PCDHGA1: variants seen among roughly 807,000 people sequenced by gnomAD.
PCDHGA1 encodes the protein protocadherin gamma-A1.
In PCDHGA1, 32 loss-of-function variants were observed where a neutral mutation model predicts 58.0. That is an observed-to-expected ratio of 0.55 (90% CI 0.42 to 0.74). The LOEUF (loss-of-function observed/expected upper bound fraction) is 0.74, where lower values mean the gene tolerates loss of function less well. PCDHGA1 is among the 30% of genes least tolerant of loss of function. The probability of loss-of-function intolerance (pLI) is 0.00; values close to 1 mark genes in which losing one functional copy is unlikely to be tolerated. For missense variants in PCDHGA1, 1,205 were observed against 1,182.3 expected, an observed-to-expected ratio of 1.02 and a Z score of -0.28; for synonymous variants, 498 against 501.1, an observed-to-expected ratio of 0.99 and a Z score of 0.08.
chr5:141,371,937 T>C, intron 1 of PCDHGA1: 1 of 1,613,290 alleles, frequency 6.2e-7, no homozygotes. Flanking sequence ...CGGGGTGGTG[T>C]TCGCGCAGCG....
chr5:141,372,348 C>A, intron 1 of PCDHGA1: 1 of 1,613,852 alleles, frequency 6.2e-7, no homozygotes, highest in Middle Eastern at 1.6e-4. Context: ...TGGAGGACAG[C>A]AGCCTCTTTC....
rs748975283 is a variant in PCDHGA1, at chr5:141,332,892, C to T, written c.2208C>T (p.Pro736=). The change falls in exon 1 of 4, where the codon CCC becomes CCT. Residue 736 remains proline, a synonymous_variant. Transcript: ENST00000517417. The surrounding 1 kb of genome is among the most constrained non-coding windows in gnomAD (Gnocchi z 4.6). ...CGGGAGGCGGCTTAGCGAGCATGCC[C>T]GGTTCGCACTTTGTGGGCGTGGACG... The part of the protein sequence containing the change: ...QASGGGLASM[P]GSHFVGVDGV... 5.5e-5 allele frequency: 89 copies of T among 1,614,092 alleles called. No individual in the cohort carries two copies. Among genetic ancestry groups the T allele is most frequent in the Non-Finnish European group, 7.3e-5 (86 of 1,180,040 alleles).
chr5:141,454,917 C>T (rs1185153715), intron 1 of PCDHGA1, among the ~76,000 whole-genome samples: 1 of 149,330 alleles, frequency 6.7e-6, no homozygotes, highest in Non-Finnish European at 1.5e-5. Flanking sequence ...ACGCCATTCT[C>T]CTGCCTCAGC....
At chr5:141,502,118 G>A (rs897244225) in intron 2 of PCDHGA1, among the ~76,000 whole-genome samples, 3 of 152,108 alleles carry the variant, frequency 2.0e-5, no homozygotes, top group African/African-American at 7.2e-5. Context: ...CCTCAGCCAG[G>A]CCCACAGAGC....
At chr5:141,366,570 G>C (rs373636717) in intron 1 of PCDHGA1, 3 of 1,614,218 alleles carry the variant, frequency 1.9e-6, no homozygotes, top group Admixed American at 3.3e-5. Context: ...GATGGGGTTC[G>C]GGCTTTCCTG....
chr5:141,351,720 T>C, intron 1 of PCDHGA1: 1 of 1,613,816 alleles, frequency 6.2e-7, no homozygotes, highest in Non-Finnish European at 8.5e-7. Context: ...TCCTACTCTA[T>C]TCTGGCCAGT....
chr5:141,357,127 G>A (rs756766460), intron 1 of PCDHGA1: 2 of 1,613,446 alleles, frequency 1.2e-6, no homozygotes, highest in Non-Finnish European at 1.7e-6. Context: ...GCAGAGGCTT[G>A]TAGTGGTCGT....
intron 1 of PCDHGA1, chr5:141,415,791 CCTAGTCTCAA>C: frequency 2.2e-6 from 3 of 1,341,938 alleles, no homozygotes; most frequent in Non-Finnish European, 1.9e-6. Flanking sequence ...GTAAAATTCA[CCTAGTCTCAA>C]TCAAGGCCTA....
intron 1 of PCDHGA1, chr5:141,345,552 A>G (rs769859145): frequency 9.9e-6 from 16 of 1,614,032 alleles, no homozygotes; most frequent in East Asian, 2.2e-5. Context: ...CTTCGTCTCT[A>G]TCAACTCCAA....
intron 1 of PCDHGA1, chr5:141,423,244 C>T: frequency 1.2e-6 from 2 of 1,613,984 alleles, no homozygotes; most frequent in Non-Finnish European, 1.7e-6. Context: ...CCCCGAAGTC[C>T]TGGCGGACCT....
chr5:141,375,552 C>T, intron 1 of PCDHGA1: 1 of 1,614,058 alleles, frequency 6.2e-7, no homozygotes. Flanking sequence ...GTCTCCTACT[C>T]ACTGGCAGAA....
In PCDHGA1 at chr5:141,455,253, C is replaced by A. The variant is rs187877877; in HGVS notation, c.2422-39554C>A. 2.8e-3 allele frequency among the ~76,000 whole-genome samples: 433 copies of A among 151,986 alleles called. 1 individual carries two copies. Among genetic ancestry groups the A allele is most frequent in the Admixed American group, 0.021 (319 of 15,266 alleles). ...AAAATGTTAAAGGTCATAGTACAAT[C>A]GCATTTCTTCCCATTGATTATTAAC... is the stretch of plus-strand genomic sequence containing the variant. On this transcript the variant is annotated intron_variant, in intron 1 of 3. Coordinates refer to ENST00000517417, the MANE Select transcript of PCDHGA1 (RefSeq NM_018912.3).
chr5:141,341,435 C>T, intron 1 of PCDHGA1: 4 of 1,611,268 alleles, frequency 2.5e-6, no homozygotes, highest in Non-Finnish European at 1.7e-6. Flanking sequence ...AGCTAGTTTG[C>T]TGAAGTAATT....
chr5:141,423,758 G>C lies in PCDHGA1; in HGVS notation c.2422-71049G>C, dbSNP rs1192987646. 54 of 366,760 alleles carry C rather than the reference G, an allele frequency of 1.5e-4. 3 individuals carry two copies. The highest frequency in any genetic ancestry group is 1.4e-4 in the Non-Finnish European group (36 of 259,732). 22.7% of individuals were successfully genotyped at this position (366,760 alleles called of 1,614,324 possible). A position where few individuals can be genotyped will look rare whatever the true frequency, so the allele number is the denominator to read the frequency against. Reference sequence around the variant, plus strand: ...CTGTTATGAAAACTGTTTGGGGGGGGGGTGGGGCGGCATATATTTAGTTCA... The same window carrying C: ...CTGTTATGAAAACTGTTTGGGGGGGCGGTGGGGCGGCATATATTTAGTTCA... On this transcript the variant is annotated intron_variant, in intron 1 of 3. Transcript: ENST00000517417.
intron 3 of PCDHGA1, among the ~76,000 whole-genome samples, chr5:141,509,808 G>A (rs905531504): frequency 3.9e-5 from 6 of 152,028 alleles, no homozygotes; most frequent in Non-Finnish European, 7.4e-5. Context: ...TCATAGAGCC[G>A]AGCTCTTCTC....
Position 141,431,151 on chromosome 5 carries a change from C to T in PCDHGA1, c.2422-63656C>T, listed in dbSNP as rs764416448. The T allele has an allele frequency of 6.2e-7, 1 of 1,614,126 alleles. No individual in the cohort carries two copies. Among genetic ancestry groups the T allele is most frequent in the African/African-American group, 1.3e-5 (1 of 74,954 alleles). On this transcript the variant is annotated intron_variant, in intron 1 of 3. Coordinates refer to ENST00000517417, the MANE Select transcript of PCDHGA1 (RefSeq NM_018912.3). The surrounding 1 kb of genome is among the most constrained non-coding windows in gnomAD (Gnocchi z 4.8). ...GTAAGGGACATTAACGACAATGCGC[C>T]TTACTTTCGTGAAAGTGAATTAGAA...
At chr5:141,360,185 T>C in intron 1 of PCDHGA1, 2 of 1,611,370 alleles carry the variant, frequency 1.2e-6, no homozygotes, top group Non-Finnish European at 1.7e-6. Context: ...CTGCAGGTAC[T>C]GTTGCCCTTC....
chr5:141,412,963 G>A (rs1387713187), intron 1 of PCDHGA1: 2 of 518,110 alleles, frequency 3.9e-6, no homozygotes, highest in South Asian at 3.3e-5. Context: ...TCACCTACTA[G>A]GAGAGAAAAC....
chr5:141,489,208 C>A lies in PCDHGA1; in HGVS notation c.2422-5599C>A. On this transcript the variant is annotated intron_variant, in intron 1 of 3. Coordinates refer to ENST00000517417, the MANE Select transcript of PCDHGA1 (RefSeq NM_018912.3). The surrounding 1 kb of genome is among the most constrained non-coding windows in gnomAD (Gnocchi z 4.5). The stretch of plus-strand genomic sequence containing the variant: ...GGTCTACCTTGGAGACAGGACAGCA[C>A]AGACTTACTCTCCACAAAGGGACTT... 1 of 1,451,152 alleles carries A rather than the reference C, an allele frequency of 6.9e-7. No individual in the cohort carries two copies. The highest frequency in any genetic ancestry group is 9.3e-7 in the Non-Finnish European group (1 of 1,072,112). 89.9% of individuals were successfully genotyped at this position (1,451,152 alleles called of 1,614,324 possible).
Sources: gnomAD v4.1 joint callset for allele counts (sites outside exome capture counted in the v4.1 genomes callset) on GRCh38, gnomAD v4.1.1 for gene constraint, Gnocchi (gnomAD v3.1) non-coding constraint, MANE v1.5 for transcripts, NCBI Gene and HGNC (gene_info 2026-07-23, HGNC 2026-07-21) for gene names.